GRK3: variants seen among roughly 807,000 people sequenced by gnomAD.
GRK3 encodes the protein G protein-coupled receptor kinase 3.
GRK3 carries 54 observed loss-of-function variants against 95.7 expected under a neutral mutation model. The ratio of observed to expected loss-of-function variants is 0.56; its 90% CI spans 0.45 to 0.71. The LOEUF (loss-of-function observed/expected upper bound fraction) is 0.71, where lower values mean the gene tolerates loss of function less well. Ranked by LOEUF, GRK3 falls within the 30% of genes least tolerant of loss-of-function variation. The pLI is 0.00. For synonymous variants in GRK3, 281 were observed against 290.8 expected (o/e 0.97, Z 0.34); for missense variants, 649 against 851.2 (o/e 0.76, Z 2.96).
intron 13 of GRK3, 112 bp from the exon 14 acceptor site, chr22:25,703,398 C>A: frequency 1.4e-6 from 1 of 726,326 alleles, no homozygotes; most frequent in Admixed American, 2.4e-5. Flanking sequence ...TGCATTTCTC[C>A]AGTTTTGAAT....
chr22:25,645,373 A>T (rs1306307232), intron 3 of GRK3, among the ~76,000 whole-genome samples: 1 of 152,222 alleles, frequency 6.6e-6, no homozygotes, highest in Non-Finnish European at 1.5e-5. Context: ...TAGCAGGCAG[A>T]TGGGCATCCA....
intron 1 of GRK3, among the ~76,000 whole-genome samples, chr22:25,601,991 T>C (rs2084412437): frequency 6.6e-6 from 1 of 152,196 alleles, no homozygotes. Context: ...ACTCATCAAC[T>C]AAGCACCTCT....
intron 1 of GRK3, among the ~76,000 whole-genome samples, chr22:25,568,837 G>A (rs1278638294): frequency 1.3e-5 from 2 of 152,194 alleles, no homozygotes; most frequent in African/African-American, 4.8e-5. Context: ...ATAGAATATA[G>A]CATAATGCAT....
At position 25,604,395 on chromosome 22, in the gene GRK3, G is replaced by A; in HGVS notation, c.132G>A (p.Gln44=). 1 of 1,612,466 alleles carries A rather than the reference G, an allele frequency of 6.2e-7. No individual in the cohort carries two copies. Among genetic ancestry groups the A allele is most frequent in the Non-Finnish European group, 8.5e-7 (1 of 1,179,278 alleles). ...LPEPSIRSVM[Q]KYLAERNEIT... The stretch of plus-strand genomic sequence containing the variant: ...CTTCCAGTATCCGGAGTGTGATGCA[G>A]AAGTACCTTGCAGAGAGAAATGAAA... Residue 44 remains glutamine (Q), a synonymous_variant, in exon 2 of 21, where the codon CAG becomes CAA. Coordinates refer to ENST00000324198, the MANE Select transcript of GRK3 (RefSeq NM_005160.4).
rs1247578169 is a variant in GRK3, at chr22:25,576,325, A to G, written c.113+11172A>G. ...GAGTGGCTTACGCTGGATGTCCAGT[A>G]CCTGAAATCCCTGACTACAGTGGCT... On this transcript the variant is annotated intron_variant, in intron 1 of 20. Coordinates refer to ENST00000324198, the MANE Select transcript of GRK3 (RefSeq NM_005160.4). Among the ~76,000 whole-genome samples, 7 of 152,300 alleles carry G rather than the reference A, an allele frequency of 4.6e-5. No individual in the cohort carries two copies. The East Asian group carries it at 7.7e-4, about 17-fold the overall frequency.
chr22:25,587,168 G>A (rs1300503224), intron 1 of GRK3, among the ~76,000 whole-genome samples: 4 of 152,156 alleles, frequency 2.6e-5, no homozygotes, highest in Admixed American at 2.6e-4. Context: ...TAGGATTATA[G>A]GCGTGAGCCA....
chr22:25,671,368 C>T (rs1169261869), intron 6 of GRK3, among the ~76,000 whole-genome samples: 1 of 152,100 alleles, frequency 6.6e-6, no homozygotes, highest in Non-Finnish European at 1.5e-5. Context: ...ACAAAAGACC[C>T]ACCTTACAGA....
chr22:25,725,382 GA>G lies in GRK3; in HGVS notation c.*2933del. On this transcript the variant is annotated 3_prime_UTR_variant, in exon 21 of 21. Coordinates refer to ENST00000324198, the MANE Select transcript of GRK3 (RefSeq NM_005160.4). The stretch of plus-strand genomic sequence containing the variant: ...GAATCAATAAAGCCTAAAAATAATA[GA>G]TTACTTTAAGCTGCTATGTAAGATA... 2.5e-6 allele frequency: 1 copy of G among 394,556 alleles called. No homozygotes were observed. Among genetic ancestry groups the G allele is most frequent in the Admixed American group, 4.4e-5 (1 of 22,640 alleles). 24.4% of individuals were successfully genotyped at this position (394,556 alleles called of 1,614,324 possible). A position where few individuals can be genotyped will look rare whatever the true frequency, so the allele number is the denominator to read the frequency against.
intron 3 of GRK3, chr22:25,648,968 C>T (rs1298649399): frequency 1.0e-6 from 1 of 971,734 alleles, no homozygotes; most frequent in Non-Finnish European, 1.7e-6. Context: ...AGTCTGGTGT[C>T]TGCTCATTTG....
At chr22:25,654,012 G>T (rs2084853046) in intron 3 of GRK3, among the ~76,000 whole-genome samples, 2 of 152,136 alleles carry the variant, frequency 1.3e-5, no homozygotes, top group Admixed American at 6.5e-5. Context: ...TACACATGGA[G>T]CATCAAAATA....
chr22:25,636,932 A>T (rs1032293851), intron 2 of GRK3, among the ~76,000 whole-genome samples: 2 of 152,234 alleles, frequency 1.3e-5, no homozygotes, highest in African/African-American at 4.8e-5. Context: ...CTGGTAAAAC[A>T]TTATTGCTGG....
intron 17 of GRK3, among the ~76,000 whole-genome samples, chr22:25,714,159 G>A (rs1355219708): frequency 6.6e-6 from 1 of 152,176 alleles, no homozygotes; most frequent in Non-Finnish European, 1.5e-5. Flanking sequence ...ATACAAGATT[G>A]GGTTGATTGT....
At chr22:25,638,789 G>A (rs2084722061) in intron 2 of GRK3, among the ~76,000 whole-genome samples, 1 of 152,140 alleles carries the variant, frequency 6.6e-6, no homozygotes, top group Non-Finnish European at 1.5e-5. Context: ...GGGACCCAAG[G>A]TATTGTCCGT....
In GRK3 at chr22:25,726,604, G is replaced by C. The variant is rs2085476100; in HGVS notation, c.*4154G>C. On this transcript the variant is annotated 3_prime_UTR_variant, in exon 21 of 21. Coordinates refer to ENST00000324198, the MANE Select transcript of GRK3 (RefSeq NM_005160.4). ...ACAAAGAGAATAGTGGTAGAAATCGGGCGAAGGAAGAAAGAAGTTACTGGT... is the reference window on the plus strand; with the variant it reads ...ACAAAGAGAATAGTGGTAGAAATCGCGCGAAGGAAGAAAGAAGTTACTGGT... 1 of 152,140 alleles carries C rather than the reference G, an allele frequency of 6.6e-6. No homozygotes were observed. The highest frequency in any genetic ancestry group is 1.5e-5 in the Non-Finnish European group (1 of 68,034). The allele number at this position is 152,140 out of a possible 1,614,324, so 9.4% of individuals were successfully genotyped here.
rs560414439 is a variant in GRK3, at chr22:25,645,782, G to A, written c.264+1117G>A. On this transcript the variant is annotated intron_variant, in intron 3 of 20. Coordinates refer to ENST00000324198, the MANE Select transcript of GRK3 (RefSeq NM_005160.4). Reference sequence around the variant, plus strand: ...CTAAAATACAAAAAATTAGCCAGGCGTAGTGGTGGGCGCCTGTAGTCCCAG... The same window carrying A: ...CTAAAATACAAAAAATTAGCCAGGCATAGTGGTGGGCGCCTGTAGTCCCAG... Among the ~76,000 whole-genome samples the A allele has an allele frequency of 4.6e-5, 7 of 152,240 alleles. No individual in the cohort carries two copies. The East Asian group carries it at 9.7e-4, about 21-fold the overall frequency.
chr22:25,579,488 T>C (rs1932024106), intron 1 of GRK3, among the ~76,000 whole-genome samples: 1 of 151,608 alleles, frequency 6.6e-6, no homozygotes, highest in Non-Finnish European at 1.5e-5. Context: ...TTATTTTTTT[T>C]TTGAGATGGT....
At chr22:25,663,181 C>T (rs1337886303) in intron 4 of GRK3, among the ~76,000 whole-genome samples, 1 of 152,072 alleles carries the variant, frequency 6.6e-6, no homozygotes, top group Non-Finnish European at 1.5e-5. Context: ...ATGCCTGGCT[C>T]ATTTTTATTT....
intron 12 of GRK3, among the ~76,000 whole-genome samples, chr22:25,693,771 A>ATTT (rs1448977001): frequency 7.4e-6 from 1 of 135,902 alleles, no homozygotes; most frequent in African/African-American, 3.0e-5. Context: ...CAAGTTAAAA[A>ATTT]TTCTTTTTTT....
chr22:25,637,458 C>T (rs2084710707), intron 2 of GRK3, among the ~76,000 whole-genome samples: 1 of 152,136 alleles, frequency 6.6e-6, no homozygotes, highest in African/African-American at 2.4e-5. Context: ...AATAGTATTC[C>T]ACTGTGTGAA....
Sources: gnomAD v4.1 joint callset for allele counts (sites outside exome capture counted in the v4.1 genomes callset) on GRCh38, gnomAD v4.1.1 for gene constraint, MANE v1.5 for transcripts, NCBI Gene and HGNC (gene_info 2026-07-23, HGNC 2026-07-21) for gene names.